Variants in FNBP4 observed in about 807,000 individuals in gnomAD.
FNBP4 encodes the protein formin-binding protein 4.
FNBP4 carries 34 observed loss-of-function variants against 119.3 expected under a neutral mutation model. That is an observed-to-expected ratio of 0.28 (90% confidence interval 0.22 to 0.38). The LOEUF is 0.38. Among genes scored for constraint, FNBP4 ranks in the 10% least tolerant of loss-of-function variants. FNBP4 has a pLI of 1.00. For missense variants in FNBP4, 1,112 were observed against 1,228.9 expected, an observed-to-expected ratio of 0.90 and a Z score of 1.42; for synonymous variants, 462 against 430.6, an observed-to-expected ratio of 1.07 and a Z score of -0.90.
At chr11:47,754,776 AT>A in intron 2 of FNBP4, 112 bp from the exon 3 acceptor site, 1 of 1,130,898 alleles carries the variant, frequency 8.8e-7, no homozygotes, top group Non-Finnish European at 1.3e-6. Context: ...AGATTAGAAC[AT>A]AACCGCAAAA....
chr11:47,751,315 C>G, intron 4 of FNBP4, 25 bp from the exon 5 acceptor site: 1 of 1,613,230 alleles, frequency 6.2e-7, no homozygotes, highest in South Asian at 1.1e-5. Flanking sequence ...AAATTTTAAG[C>G]ACAAATCCCT....
rs2097649797 is a variant in FNBP4, at chr11:47,767,277, C to T, written c.12G>A (p.Lys4=). ...GCCTACGGCCGGGTACCGCCCGGGA[C>T]TTCTTCCCCATCGCGAGCCCAAGCG... MGK[K]SRAVPGRRPI... is the part of the protein sequence containing the mutation. Residue 4 remains lysine, a synonymous_variant, in exon 1 of 17, where the codon AAG becomes AAA. Coordinates refer to ENST00000263773, the MANE Select transcript of FNBP4 (RefSeq NM_015308.5). The T allele has an allele frequency of 6.5e-7, 1 of 1,531,114 alleles. No individual in the cohort carries two copies. The highest frequency in any genetic ancestry group is 1.4e-5 in the African/African-American group (1 of 71,500). The allele number at this position is 1,531,114 out of a possible 1,614,324, so 94.8% of individuals were successfully genotyped here.
rs1273490062 is a variant in FNBP4 at position 47,767,069 on chromosome 11, C to T, written c.220G>A (p.Asp74Asn). The T allele has an allele frequency of 7.9e-6, 12 of 1,528,288 alleles. No individual in the cohort carries two copies. The highest frequency in any genetic ancestry group is 9.6e-6 in the Non-Finnish European group (11 of 1,144,306). The allele number at this position is 1,528,288 out of a possible 1,614,324, so 94.7% of individuals were successfully genotyped here. Residue 74 changes from aspartate (D) to asparagine (N), a missense_variant and splice_region_variant, in exon 1 of 17, where the codon GAT (aspartate) becomes AAT (asparagine). Asp to Asn is a conservative substitution (Grantham distance 23). Around this residue, in one of 2 missense-constraint regions of FNBP4, gnomAD observed 286 missense variants for 240.1 expected, o/e 1.19. Transcript: ENST00000263773. Reference sequence around the variant, plus strand: ...TTCAGGTCCCCCCGCGCACCCTTGCCTTCTGAAGGCGAGTCGTCCGAGGCC... The same window carrying T: ...TTCAGGTCCCCCCGCGCACCCTTGCTTTCTGAAGGCGAGTCGTCCGAGGCC... ...AAASDDSPSE[D>N]EQEAVQEVPR... is the part of the protein sequence containing the mutation.
At chr11:47,746,519 C>CA (rs1644816697) in intron 6 of FNBP4, 125 bp from the exon 7 acceptor site, 4 of 665,532 alleles carry the variant, frequency 6.0e-6, no homozygotes, top group Middle Eastern at 4.1e-4. Context: ...GTAAAAACGA[C>CA]TTTTTTTTTT....
chr11:47,765,369 T>TAAA lies in FNBP4; in HGVS notation c.221-10_221-8dup. 8.3e-7 allele frequency: 1 copy of TAAA among 1,204,686 alleles called. No individual in the cohort carries two copies. The highest frequency in any genetic ancestry group is 1.5e-5 in the South Asian group (1 of 67,688). 74.6% of individuals were successfully genotyped at this position (1,204,686 alleles called of 1,614,324 possible). ...TGCACCGCTTCCTGTTCATCTGGAT[T>TAAA]AAAAAAAAAGAAAAGAAAAGAAAAG... On this transcript the variant is annotated splice_region_variant and splice_polypyrimidine_tract_variant and intron_variant, in intron 1 of 16. Coordinates refer to ENST00000263773, the MANE Select transcript of FNBP4 (RefSeq NM_015308.5).
chr11:47,719,995 C>A lies in FNBP4; in HGVS notation c.2897G>T (p.Ser966Ile). 6.2e-7 allele frequency: 1 copy of A among 1,614,108 alleles called. No homozygotes were observed. The highest frequency in any genetic ancestry group is 8.5e-7 in the Non-Finnish European group (1 of 1,180,002). ...TGCAGTTGATTCCCGATCCTCTTCA[C>A]TGGAACTAGAATTGTCCTCTTCATC... Reference protein sequence around the residue: ...ELDEEDNSSSSEEDRESTAQK... With the variant: ...ELDEEDNSSSIEEDRESTAQK... The change falls in exon 16 of 17, where the codon AGT (serine) becomes ATT (isoleucine). Residue 966 changes from serine (S) to isoleucine (I), a missense_variant. This residue lies in a region of FNBP4 where 826 missense variants were observed against 988.8 expected (regional missense o/e 0.84). Coordinates refer to ENST00000263773, the MANE Select transcript of FNBP4 (RefSeq NM_015308.5).
At chr11:47,734,178 C>A in intron 9 of FNBP4, 49 bp from the exon 10 acceptor site, 1 of 1,063,956 alleles carries the variant, frequency 9.4e-7, no homozygotes, top group Non-Finnish European at 1.4e-6. Context: ...GTAACATTTT[C>A]TGTATTATGT....
chr11:47,723,488 G>C (rs537976305), intron 14 of FNBP4, among the ~76,000 whole-genome samples, 172 bp from the exon 15 acceptor site: 175 of 152,224 alleles, frequency 1.1e-3, no homozygotes, highest in African/African-American at 4.1e-3. Flanking sequence ...GAATACCTTG[G>C]CATTAAACTA....
At chr11:47,765,423 A>C in intron 1 of FNBP4, 61 bp from the exon 2 acceptor site, 1 of 1,277,900 alleles carries the variant, frequency 7.8e-7, no homozygotes, top group Non-Finnish European at 1.1e-6. Context: ...AGAAAACTGC[A>C]GTCAGATTCC....
At chr11:47,761,370 G>A (rs959024120) in intron 2 of FNBP4, among the ~76,000 whole-genome samples, 3 of 152,098 alleles carry the variant, frequency 2.0e-5, no homozygotes, top group African/African-American at 7.2e-5. Context: ...TGAGACGAGT[G>A]GATTACAAGG....
chr11:47,719,827 G>T, intron 16 of FNBP4, 102 bp downstream of exon 16: 1 of 1,173,340 alleles, frequency 8.5e-7, no homozygotes, highest in Non-Finnish European at 1.2e-6. Context: ...TTAAGAATAT[G>T]TCTATTCTAA....
In FNBP4 at chr11:47,724,051, T is replaced by C. The variant is rs749642462; in HGVS notation, c.2441A>G (p.Tyr814Cys). Residue 814 changes from tyrosine to cysteine, a missense_variant, in exon 14 of 17, where the codon TAT becomes TGT. Tyr to Cys is a radical substitution (Grantham distance 194). This residue lies in a region of FNBP4 where 826 missense variants were observed against 988.8 expected (regional missense o/e 0.84). Coordinates refer to ENST00000263773, the MANE Select transcript of FNBP4 (RefSeq NM_015308.5). The stretch of plus-strand genomic sequence containing the variant: ...ACCTGTAGCTATAGCTGACTGGCTA[T>C]AGAGAACTGGAGAACTGCCAATGGT... ...SATIGSSPVLYSQSAIATGHQ... is the reference protein window; with the variant it reads ...SATIGSSPVLCSQSAIATGHQ... 6 of 1,614,218 alleles carry C rather than the reference T, an allele frequency of 3.7e-6. No homozygotes were observed. Among genetic ancestry groups the C allele is most frequent in the African/African-American group, 1.3e-5 (1 of 75,072 alleles).
At chr11:47,738,756 T>C (rs2097577572) in intron 8 of FNBP4, among the ~76,000 whole-genome samples, 1 of 151,296 alleles carries the variant, frequency 6.6e-6, no homozygotes, top group South Asian at 2.1e-4. Context: ...TCTCGGCTCA[T>C]TGCAATCTCA....
chr11:47,752,944 T>C lies in FNBP4; in HGVS notation c.609A>G (p.Gln203=), dbSNP rs367661294. 1.3e-5 allele frequency: 21 copies of C among 1,613,718 alleles called. No homozygotes were observed. Among genetic ancestry groups the C allele is most frequent in the African/African-American group, 5.3e-5 (4 of 74,928 alleles). ...CTGCCAGTGAACACTGAGTATCATATTGCCAACCAGATGTTTGGGTGGAGT... is the reference window on the plus strand; with the variant it reads ...CTGCCAGTGAACACTGAGTATCATACTGCCAACCAGATGTTTGGGTGGAGT... ...GTDSTQTSGW[Q]YDTQCSLAGV... Residue 203 remains glutamine, a synonymous_variant, in exon 4 of 17, where the codon CAA becomes CAG. Transcript: ENST00000263773.
chr11:47,729,974 T>C (rs893285220), intron 12 of FNBP4: 3 of 985,298 alleles, frequency 3.0e-6, no homozygotes, highest in African/African-American at 1.7e-5. Flanking sequence ...TTTAATTAAA[T>C]AGGAATGGCT....
At chr11:47,734,768 A>G (rs1370522411) in intron 9 of FNBP4, among the ~76,000 whole-genome samples, 1 of 151,836 alleles carries the variant, frequency 6.6e-6, no homozygotes, top group East Asian at 1.9e-4. Flanking sequence ...AGGTCAATAG[A>G]TAGAGACCAT....
Position 47,740,332 on chromosome 11 carries a change from T to A in FNBP4, c.1457-3592A>T, listed in dbSNP as rs1385272453. Among the ~76,000 whole-genome samples the A allele has an allele frequency of 7.8e-3, 1,173 of 150,424 alleles. 12 individuals carry two copies. Among genetic ancestry groups the A allele is most frequent in the African/African-American group, 0.022 (886 of 40,342 alleles). ...CGGGAGGCTGAGATAGAACTGCTTG[T>A]ACCCGGGAGGTGGAAGTTGCAGTGA... On this transcript the variant is annotated intron_variant, in intron 8 of 16. Coordinates refer to ENST00000263773, the MANE Select transcript of FNBP4 (RefSeq NM_015308.5).
intron 12 of FNBP4, among the ~76,000 whole-genome samples, chr11:47,727,214 G>A (rs1402519690): frequency 2.6e-5 from 4 of 151,432 alleles, no homozygotes; most frequent in South Asian, 2.1e-4. Flanking sequence ...CACAAATGAC[G>A]AGCATTTTTA....
At chr11:47,746,479 T>A in intron 6 of FNBP4, 85 bp from the exon 7 acceptor site, 1 of 1,208,266 alleles carries the variant, frequency 8.3e-7, no homozygotes, top group Non-Finnish European at 1.1e-6. Flanking sequence ...CACATTCATA[T>A]TAACTGTTTT....
Sources: allele counts gnomAD v4.1 joint callset (sites outside exome capture counted in the v4.1 genomes callset), GRCh38; gene constraint gnomAD v4.1.1; regional missense constraint gnomAD v4.1.1; transcripts MANE v1.5; gene names NCBI Gene and HGNC (gene_info 2026-07-23, HGNC 2026-07-21).